ENGASE: variants seen among roughly 807,000 people sequenced by gnomAD.
ENGASE encodes cytosolic endo-beta-N-acetylglucosaminidase.
ENGASE carries 69 observed loss-of-function variants against 78.5 expected under a neutral mutation model. The ratio of observed to expected loss-of-function variants is 0.88; its 90% CI spans 0.72 to 1.07. The LOEUF (loss-of-function observed/expected upper bound fraction) is 1.07, where lower values mean the gene tolerates loss of function less well. Ranked by LOEUF, ENGASE falls within the 50% of genes least tolerant of loss-of-function variation. The probability of loss-of-function intolerance (pLI) is 0.00; values close to 1 mark genes in which losing one functional copy is unlikely to be tolerated. For missense variants in ENGASE, 943 were observed against 988.4 expected (o/e 0.95, Z 0.62); for synonymous variants, 408 against 408.9 (o/e 1.00, Z 0.03).
rs2073299633 is a variant in ENGASE, at chr17:79,086,136, T to C, written c.2019T>C (p.Ser673=). The C allele has an allele frequency of 6.2e-7, 1 of 1,613,620 alleles. No homozygotes were observed. The highest frequency in any genetic ancestry group is 8.5e-7 in the Non-Finnish European group (1 of 1,180,040). ...IHCWGGMSDD[S]PGRELPRPEM... Reference sequence around the variant, plus strand: ...GCTGGGGAGGGATGAGTGATGACTCTCCGGGCAGGGAGCTGCCGAGGCCAG... The same window carrying C: ...GCTGGGGAGGGATGAGTGATGACTCCCCGGGCAGGGAGCTGCCGAGGCCAG... Residue 673 remains serine, a synonymous_variant, in exon 14 of 14, where the codon TCT becomes TCC. Transcript: ENST00000579016.
chr17:79,086,847 C>G lies in ENGASE; in HGVS notation c.*498C>G, dbSNP rs575846077. ...GCAGCTCCTGGGGTGGGGCTGCCTG[C>G]GGGATGGCGGGAGAGGATGCCCTGG... On this transcript the variant is annotated 3_prime_UTR_variant, in exon 14 of 14. Coordinates refer to ENST00000579016, the MANE Select transcript of ENGASE (RefSeq NM_001042573.3). The G allele has an allele frequency of 3.4e-4, 149 of 432,718 alleles. No homozygotes were observed. The highest frequency in any genetic ancestry group is 6.7e-4 in the Admixed American group (27 of 40,470). 26.8% of individuals were successfully genotyped at this position (432,718 alleles called of 1,614,324 possible). A position where few individuals can be genotyped will look rare whatever the true frequency, so the allele number is the denominator to read the frequency against.
chr17:79,077,634 A>G (rs1265460532), intron 2 of ENGASE, 29 bp from the exon 3 acceptor site: 4 of 1,611,558 alleles, frequency 2.5e-6, no homozygotes, highest in Non-Finnish European at 3.4e-6. Flanking sequence ...GTTTCCATTA[A>G]TTGCTCAATG....
intron 7 of ENGASE, 120 bp downstream of exon 7, chr17:79,082,183 G>C (rs762482086): frequency 6.3e-7 from 1 of 1,583,670 alleles, no homozygotes; most frequent in East Asian, 2.3e-5. Flanking sequence ...GTTCTTCCCA[G>C]AGTGGGGATC....
chr17:79,081,681 C>A (rs1039599927), intron 6 of ENGASE, among the ~76,000 whole-genome samples: 3 of 150,160 alleles, frequency 2.0e-5, no homozygotes, highest in African/African-American at 7.4e-5. Flanking sequence ...AGGGGAAAGG[C>A]TGAGATTGTG....
At chr17:79,077,370 C>G in intron 1 of ENGASE, 60 bp from the exon 2 acceptor site, 1 of 1,485,750 alleles carries the variant, frequency 6.7e-7, no homozygotes, top group Non-Finnish European at 9.1e-7. Context: ...CCATTTGCTT[C>G]TAAGTGTTCT....
chr17:79,083,243 A>T lies in ENGASE; in HGVS notation c.1142+120A>T. On this transcript the variant is annotated intron_variant, in intron 8 of 13. Coordinates refer to ENST00000579016, the MANE Select transcript of ENGASE (RefSeq NM_001042573.3). This position sits in a 1 kb window ranked among gnomAD's most constrained non-coding sequence, Gnocchi z 4.9. The stretch of plus-strand genomic sequence containing the variant: ...CTTCCTATGGGGGGGTGGTTAAGGG[A>T]GGATGACAGGGGAGGAAGCCAGCAC... 1.2e-6 allele frequency: 1 copy of T among 843,586 alleles called. No individual in the cohort carries two copies. The highest frequency in any genetic ancestry group is 1.9e-6 in the Non-Finnish European group (1 of 538,568). The allele number at this position is 843,586 out of a possible 1,614,324, so 52.3% of individuals were successfully genotyped here.
rs750955137 is a variant in ENGASE at position 79,085,723 on chromosome 17, GGA to G, written c.1809_1810del (p.Glu603AspfsTer32). 72 of 1,613,490 alleles carry G rather than the reference GGA, an allele frequency of 4.5e-5. No individual in the cohort carries two copies. Among genetic ancestry groups the G allele is most frequent in the Non-Finnish European group, 6.1e-5 (72 of 1,179,946 alleles). On this transcript the variant is annotated frameshift_variant, in exon 13 of 14. Transcript: ENST00000579016. LOFTEE classifies it low-confidence loss of function (END_TRUNC). ...REEESFTCRL[G>X]EIQVVDAASL... Reference sequence around the variant, plus strand: ...GGAGGAGAGCTTCACCTGTCGGCTTGGAGAGATCCAGGTGATGCTTCCCAGAG... The same window carrying G: ...GGAGGAGAGCTTCACCTGTCGGCTTGGAGATCCAGGTGATGCTTCCCAGAG...
At chr17:79,081,850 C>T (rs1469040516) in intron 6 of ENGASE, 48 bp from the exon 7 acceptor site, 2 of 1,568,736 alleles carry the variant, frequency 1.3e-6, no homozygotes, top group Non-Finnish European at 1.7e-6. Flanking sequence ...GGGGGTGGCC[C>T]CATCCTTCTG....
rs1262495565 is a variant in ENGASE, at chr17:79,083,321, G to A, written c.1143-161G>A. 13 of 697,890 alleles carry A rather than the reference G, an allele frequency of 1.9e-5. No homozygotes were observed. The highest frequency in any genetic ancestry group is 1.1e-4 in the Admixed American group (4 of 37,294). The allele number at this position is 697,890 out of a possible 1,614,324, so 43.2% of individuals were successfully genotyped here. On this transcript the variant is annotated intron_variant, in intron 8 of 13. Coordinates refer to ENST00000579016, the MANE Select transcript of ENGASE (RefSeq NM_001042573.3). This position sits in a 1 kb window ranked among gnomAD's most constrained non-coding sequence, Gnocchi z 4.9. ...CCCAGCGGCCGCTTCCTGCAGACTCGTGTTTGCAGCGTATCTGTAGACGGG... is the reference window on the plus strand; with the variant it reads ...CCCAGCGGCCGCTTCCTGCAGACTCATGTTTGCAGCGTATCTGTAGACGGG...
intron 7 of ENGASE, 42 bp downstream of exon 7, chr17:79,082,105 T>C: frequency 6.2e-7 from 1 of 1,613,982 alleles, no homozygotes; most frequent in South Asian, 1.1e-5. Flanking sequence ...GCCCAGTGCC[T>C]CCCCTGGGAC....
At chr17:79,080,450 C>T in intron 5 of ENGASE, 86 bp downstream of exon 5, 1 of 1,503,052 alleles carries the variant, frequency 6.7e-7, no homozygotes, top group Non-Finnish European at 9.0e-7. Context: ...CCTCACCTCG[C>T]CCCACGCCTG....
chr17:79,084,770 G>A (rs2073243651), intron 11 of ENGASE, 84 bp downstream of exon 11: 2 of 1,485,164 alleles, frequency 1.3e-6, no homozygotes, highest in Non-Finnish European at 1.8e-6. Context: ...TGGGGTGTGG[G>A]GAGGAGCTGG....
At chr17:79,081,814 G>A in intron 6 of ENGASE, 84 bp from the exon 7 acceptor site, 1 of 1,513,856 alleles carries the variant, frequency 6.6e-7, no homozygotes, top group Non-Finnish European at 8.8e-7. Context: ...TACTAGGAGG[G>A]GAAAGGCTGA....
Position 79,085,237 on chromosome 17 carries a change from A to C in ENGASE, c.1595A>C (p.Glu532Ala). 6.2e-7 allele frequency: 1 copy of C among 1,612,850 alleles called. No homozygotes were observed. The highest frequency in any genetic ancestry group is 8.5e-7 in the Non-Finnish European group (1 of 1,179,248). The change falls in exon 12 of 14, where the codon GAA (glutamate) becomes GCA (alanine). Residue 532 changes from glutamate to alanine, a missense_variant. Physicochemically the swap from Glu to Ala is moderately radical, Grantham distance 107. Transcript: ENST00000579016. ...AGTTCCGTGTCTCCTTCTGCAGCAG[A>C]AACAAGCTCAAGACACAGCCTCCGA... The part of the protein sequence containing the change: ...HIGGISVLNA[E>A]TSSRHSLRPL...
intron 6 of ENGASE, among the ~76,000 whole-genome samples, chr17:79,081,576 A>G (rs1033383665): frequency 2.0e-5 from 3 of 151,994 alleles, no homozygotes; most frequent in Non-Finnish European, 4.4e-5. Flanking sequence ...TCAGGTCACC[A>G]TCTGGGCTGC....
In ENGASE at chr17:79,086,086, C is replaced by T; in HGVS notation, c.1969C>T (p.Gln657Ter). Reference protein sequence around the residue: ...CTLHWSFLLSQVRCFRIHCWG... With the variant: ...CTLHWSFLLS ...CCTGCACTGGTCCTTCCTCCTCTCACAAGTCCGTTGCTTCCGAATCCACTG... is the reference window on the plus strand; with the variant it reads ...CCTGCACTGGTCCTTCCTCCTCTCATAAGTCCGTTGCTTCCGAATCCACTG... The change falls in exon 14 of 14, where the codon CAA becomes TAA. Residue 657 changes from glutamine (Q) to a stop codon, truncating the protein, a stop_gained. Coordinates refer to ENST00000579016, the MANE Select transcript of ENGASE (RefSeq NM_001042573.3). LOFTEE classifies it low-confidence loss of function (END_TRUNC). 1 of 1,613,640 alleles carries T rather than the reference C, an allele frequency of 6.2e-7. No individual in the cohort carries two copies.
intron 1 of ENGASE, chr17:79,075,899 G>C: frequency 1.0e-6 from 1 of 985,422 alleles, no homozygotes; most frequent in African/African-American, 1.7e-5. Context: ...AAGGTGACCT[G>C]GTGTGGGATT....
At position 79,080,263 on chromosome 17, in the gene ENGASE, G is replaced by T; in HGVS notation, c.622G>T (p.Gly208Trp). 1.2e-6 allele frequency: 2 copies of T among 1,613,554 alleles called. No homozygotes were observed. The highest frequency in any genetic ancestry group is 1.7e-6 in the Non-Finnish European group (2 of 1,179,720). ...GGRLCEAFLA[G>W]DERSYQAVAD... The stretch of plus-strand genomic sequence containing the variant: ...AAGGCTCTGTGAAGCCTTCCTGGCC[G>T]GGGATGAGCGCTCGTACCAGGCAGT... Residue 208 changes from glycine (G) to tryptophan (W), a missense_variant, in exon 5 of 14, where the codon GGG becomes TGG. Gly to Trp is a radical substitution (Grantham distance 184, BLOSUM62 -2). Transcript: ENST00000579016.
At position 79,077,002 on chromosome 17, in the gene ENGASE, G is replaced by A. The variant is rs146270552; in HGVS notation, c.147-428G>A. ...ATTCTCCCTGCCTCAGCCTCCCAAG[G>A]TGCTGGGATTACAGGCGTGTGCCAC... On this transcript the variant is annotated intron_variant, in intron 1 of 13. Coordinates refer to ENST00000579016, the MANE Select transcript of ENGASE (RefSeq NM_001042573.3). Among the ~76,000 whole-genome samples the A allele has an allele frequency of 7.5e-3, 1,144 of 152,274 alleles. 13 individuals are homozygous for A. Among genetic ancestry groups the A allele is most frequent in the African/African-American group, 0.023 (968 of 41,548 alleles).
Sources: gnomAD v4.1 joint callset for allele counts (sites outside exome capture counted in the v4.1 genomes callset) on GRCh38, gnomAD v4.1.1 for gene constraint, Gnocchi (gnomAD v3.1) non-coding constraint, MANE v1.5 for transcripts, NCBI Gene and HGNC (gene_info 2026-07-23, HGNC 2026-07-21) for gene names.